FKBP15: variants seen among roughly 807,000 people sequenced by gnomAD.
FKBP15 encodes the protein FKBP prolyl isomerase family member 15.
A neutral mutation model predicts 158.1 loss-of-function variants in FKBP15; 106 were observed. The ratio of observed to expected loss-of-function variants is 0.67; its 90% CI spans 0.57 to 0.79. The LOEUF (loss-of-function observed/expected upper bound fraction) is 0.79. Among genes scored for constraint, FKBP15 ranks in the 30% least tolerant of loss-of-function variants. The pLI is 0.00. For synonymous variants in FKBP15, 547 were observed against 548.6 expected (o/e 1.00, Z 0.04); for missense variants, 1,287 against 1,479.1 (o/e 0.87, Z 2.13).
chr9:113,193,514 C>T lies in FKBP15; in HGVS notation c.1043G>A (p.Ser348Asn). 1.3e-6 allele frequency: 2 copies of T among 1,598,796 alleles called. No homozygotes were observed. Among genetic ancestry groups the T allele is most frequent in the Non-Finnish European group, 1.7e-6 (2 of 1,172,068 alleles). The change falls in exon 11 of 28, where the codon AGT becomes AAT. Residue 348 changes from serine to asparagine, a missense_variant. Ser to Asn is a conservative substitution (Grantham distance 46). Coordinates refer to ENST00000238256, the MANE Select transcript of FKBP15 (RefSeq NM_015258.2). The part of the protein sequence containing the change: ...PALRTKSNSL[S>N]EQLAINTSPD... ...TACTGTATTTATTGCAAGTTGTTCA[C>T]TGAGGGAGTTAGATTTGGTACGAAG...
chr9:113,214,489 A>T (rs1449442638), intron 1 of FKBP15, among the ~76,000 whole-genome samples: 1 of 152,222 alleles, frequency 6.6e-6, no homozygotes, highest in African/African-American at 2.4e-5. Flanking sequence ...AGTGCATTTA[A>T]AATATTCAGT....
chr9:113,165,102 GACC>G lies in FKBP15; in HGVS notation c.*973_*975del, dbSNP rs1246801412. On this transcript the variant is annotated 3_prime_UTR_variant, in exon 28 of 28. Transcript: ENST00000238256. ...TGGAAGATCCTGGAATCAAGAAAATGACCACAAGTATTTTCTCACTACTGTTCT... is the reference window on the plus strand; with the variant it reads ...TGGAAGATCCTGGAATCAAGAAAATGACAAGTATTTTCTCACTACTGTTCT... The G allele has an allele frequency of 3.3e-5, 5 of 152,098 alleles. No homozygotes were observed. The highest frequency in any genetic ancestry group is 2.1e-4 in the South Asian group (1 of 4,824). The allele number at this position is 152,098 out of a possible 1,614,324, so 9.4% of individuals were successfully genotyped here.
intron 2 of FKBP15, 38 bp downstream of exon 2, chr9:113,211,439 A>G (rs1217649355): frequency 1.3e-6 from 2 of 1,525,834 alleles, no homozygotes; most frequent in South Asian, 1.2e-5. Context: ...GATTACAGGC[A>G]TTAGCCACCT....
At chr9:113,207,949 G>A (rs1479891830) in intron 2 of FKBP15, among the ~76,000 whole-genome samples, 1 of 152,160 alleles carries the variant, frequency 6.6e-6, no homozygotes, top group African/African-American at 2.4e-5. Context: ...TATTTTGACA[G>A]CTATAATATA....
chr9:113,172,471 TAAA>T (rs1830231492), intron 23 of FKBP15, among the ~76,000 whole-genome samples: 1 of 152,154 alleles, frequency 6.6e-6, no homozygotes, highest in South Asian at 2.1e-4. Context: ...ACCAACAGTG[TAAA>T]AGCGTTCCTA....
chr9:113,210,158 G>A lies in FKBP15; in HGVS notation c.169+1319C>T, dbSNP rs375606201. Among the ~76,000 whole-genome samples, 250 of 152,248 alleles carry A rather than the reference G, an allele frequency of 1.6e-3. 3 individuals are homozygous for A. Among genetic ancestry groups the A allele is most frequent in the African/African-American group, 5.7e-3 (236 of 41,540 alleles). ...CCTCTCCATCAGTTCCCAACAAAGC[G>A]CACGCTATCTAGCTGCTAGAAATCA... On this transcript the variant is annotated intron_variant, in intron 2 of 27. Coordinates refer to ENST00000238256, the MANE Select transcript of FKBP15 (RefSeq NM_015258.2).
chr9:113,215,636 A>C (rs1374430415), intron 1 of FKBP15, among the ~76,000 whole-genome samples: 1 of 116,256 alleles, frequency 8.6e-6, no homozygotes, highest in Admixed American at 9.7e-5. Flanking sequence ...ATATATATAT[A>C]TATATATATT....
chr9:113,186,183 G>A, intron 15 of FKBP15, 66 bp downstream of exon 15: 1 of 1,122,502 alleles, frequency 8.9e-7, no homozygotes, highest in Non-Finnish European at 1.3e-6. Flanking sequence ...GAAAATGAAG[G>A]AGGAGCAAGA....
rs1430421158 is a variant in FKBP15, at chr9:113,166,056, T to C, written c.*22A>G. 1 of 1,609,498 alleles carries C rather than the reference T, an allele frequency of 6.2e-7. No homozygotes were observed. Among genetic ancestry groups the C allele is most frequent in the Admixed American group, 1.7e-5 (1 of 59,530 alleles). On this transcript the variant is annotated 3_prime_UTR_variant, in exon 28 of 28. Coordinates refer to ENST00000238256, the MANE Select transcript of FKBP15 (RefSeq NM_015258.2). ...CTTAGGGAAGGGTTGCAGAGAAACCTTTGCACCAGTTTCCTGGGTCTTCAT... is the reference window on the plus strand; with the variant it reads ...CTTAGGGAAGGGTTGCAGAGAAACCCTTGCACCAGTTTCCTGGGTCTTCAT...
chr9:113,194,414 A>C (rs1450066025), intron 9 of FKBP15, among the ~76,000 whole-genome samples: 2 of 150,336 alleles, frequency 1.3e-5, no homozygotes, highest in Non-Finnish European at 3.0e-5. Context: ...CTTAAAGTAT[A>C]ATAATAAAAA....
intron 4 of FKBP15, 78 bp from the exon 5 acceptor site, chr9:113,203,113 T>A: frequency 1.0e-6 from 1 of 957,690 alleles, no homozygotes; most frequent in Non-Finnish European, 1.6e-6. Flanking sequence ...ATCAGCAATA[T>A]AAAATCAGCA....
chr9:113,197,624 G>A (rs1372230264), intron 8 of FKBP15, among the ~76,000 whole-genome samples: 2 of 152,092 alleles, frequency 1.3e-5, no homozygotes, highest in South Asian at 2.1e-4. Flanking sequence ...AACTGAGATC[G>A]TGCCACTGCA....
chr9:113,176,352 TC>T (rs1830299412), intron 21 of FKBP15, among the ~76,000 whole-genome samples, 184 bp downstream of exon 21: 1 of 152,204 alleles, frequency 6.6e-6, no homozygotes, highest in African/African-American at 2.4e-5. Flanking sequence ...TCTGGAAGGA[TC>T]ATACACTTTA....
chr9:113,206,912 A>C, intron 3 of FKBP15: 1 of 429,646 alleles, frequency 2.3e-6, no homozygotes, highest in Non-Finnish European at 4.2e-6. Flanking sequence ...CTCATATACT[A>C]TTCCCTTACT....
intron 6 of FKBP15, among the ~76,000 whole-genome samples, chr9:113,201,497 G>C (rs920981494): frequency 6.6e-6 from 1 of 152,218 alleles, no homozygotes; most frequent in African/African-American, 2.4e-5. Context: ...CAGTGTGACA[G>C]TATTAGGAGG....
chr9:113,219,608 T>A (rs573184856), intron 1 of FKBP15, among the ~76,000 whole-genome samples: 2 of 152,298 alleles, frequency 1.3e-5, no homozygotes, highest in Non-Finnish European at 2.9e-5. Flanking sequence ...GTGTCTCAGA[T>A]CCTTGAGAAG....
At chr9:113,211,125 G>A (rs1830992566) in intron 2 of FKBP15, among the ~76,000 whole-genome samples, 1 of 152,096 alleles carries the variant, frequency 6.6e-6, no homozygotes, top group South Asian at 2.1e-4. Flanking sequence ...TATTAGCTCT[G>A]TCCCTCTAGA....
At position 113,187,804 on chromosome 9, in the gene FKBP15, G is replaced by A; in HGVS notation, c.1372C>T (p.Gln458Ter). 3.1e-6 allele frequency: 5 copies of A among 1,612,578 alleles called. No homozygotes were observed. The highest frequency in any genetic ancestry group is 4.2e-6 in the Non-Finnish European group (5 of 1,178,644). Residue 458 changes from glutamine to a stop codon, truncating the protein, a stop_gained, in exon 14 of 28, where the codon CAA becomes TAA. Coordinates refer to ENST00000238256, the MANE Select transcript of FKBP15 (RefSeq NM_015258.2). LOFTEE classifies it high-confidence loss of function. Reference protein sequence around the residue: ...DSHSAVSGNAQSFQPYAGMQA... With the variant: ...DSHSAVSGNA ...TTATAAAATGTTACCTGAAAGGATT[G>A]GGCATTTCCAGATACAGCTGAGTGG...
chr9:113,211,295 A>T (rs1261077608), intron 2 of FKBP15, among the ~76,000 whole-genome samples, 182 bp downstream of exon 2: 2 of 152,122 alleles, frequency 1.3e-5, no homozygotes, highest in Admixed American at 6.5e-5. Flanking sequence ...AGTAGCTGGG[A>T]TTACAGGCAC....
Sources: allele counts gnomAD v4.1 joint callset (sites outside exome capture counted in the v4.1 genomes callset), GRCh38; gene constraint gnomAD v4.1.1; transcripts MANE v1.5; gene names NCBI Gene and HGNC (gene_info 2026-07-23, HGNC 2026-07-21).